NEK2: variants seen among roughly 807,000 people sequenced by gnomAD.
The protein encoded by NEK2 is serine/threonine-protein kinase Nek2.
Under a neutral mutation model 54.1 loss-of-function variants are expected in NEK2, and 28 were observed. The ratio of observed to expected loss-of-function variants is 0.52; its 90% CI spans 0.38 to 0.71. NEK2 has a LOEUF of 0.71. NEK2 is among the 30% of genes least tolerant of loss of function. The pLI, the probability that NEK2 is intolerant of heterozygous loss-of-function variation, is 0.00. For missense variants in NEK2, 407 were observed against 531.5 expected, an observed-to-expected ratio of 0.77 and a Z score of 2.30; for synonymous variants, 176 against 193.1, an observed-to-expected ratio of 0.91 and a Z score of 0.73.
rs1438076471 is a variant in NEK2, at chr1:211,674,432, G to A, written c.178C>T (p.Arg60Cys). The A allele has an allele frequency of 1.9e-6, 3 of 1,614,030 alleles. No homozygotes were observed. Among genetic ancestry groups the A allele is most frequent in the Admixed American group, 3.3e-5 (2 of 60,014 alleles). ...ACGATGTTTGGATGTTTCAGTTCAC[G>A]AAGCAAATTCACTTCAGAAACAAGC... Reference protein sequence around the residue: ...QMLVSEVNLLRELKHPNIVRY... With the variant: ...QMLVSEVNLLCELKHPNIVRY... Residue 60 changes from arginine to cysteine, a missense_variant, in exon 2 of 8, where the codon CGT becomes TGT. Arg to Cys is a radical substitution (Grantham distance 180). Transcript: ENST00000366999.
downstream of NEK2, among the ~76,000 whole-genome samples, chr1:211,659,623 T>G (rs12027312): frequency 0.15 from 23,351 of 152,164 alleles, 1,916 homozygotes; most frequent in East Asian, 0.22. Context: ...ATTGTGTATT[T>G]TCTTATCCTA....
At chr1:211,674,763 C>T (rs936634060) in intron 1 of NEK2, among the ~76,000 whole-genome samples, 4 of 152,098 alleles carry the variant, frequency 2.6e-5, no homozygotes, top group African/African-American at 7.2e-5. Flanking sequence ...CAACCCCTAC[C>T]CTCAGTTGGT....
intron 7 of NEK2, among the ~76,000 whole-genome samples, chr1:211,664,068 T>C (rs1306000064): frequency 6.6e-6 from 1 of 151,540 alleles, no homozygotes; most frequent in Non-Finnish European, 1.5e-5. Flanking sequence ...CTTTGTTTTT[T>C]TTTTTTTTTT....
downstream of NEK2, chr1:211,660,344 A>G: frequency 1.9e-6 from 1 of 537,502 alleles, no homozygotes. Flanking sequence ...AGCTCCTCAT[A>G]TAGTGCCTTC....
downstream of NEK2, chr1:211,658,797 T>TC (rs1429821471): frequency 1.5e-5 from 4 of 274,460 alleles, no homozygotes; most frequent in African/African-American, 1.0e-4. Flanking sequence ...TAAATGCATA[T>TC]CCCCATGGTT....
Position 211,673,683 on chromosome 1 carries a change from G to A in NEK2, c.355C>T (p.Gln119Ter). The stretch of plus-strand genomic sequence containing the variant: ...CATTCCTTCAGGGCCAGAGTCAACT[G>A]AGTCATCACTCGAAGAACAAACTCT... ...DEEFVLRVMT[Q>*]LTLALKECHR... Residue 119 changes from glutamine (Q) to a stop codon, truncating the protein, a stop_gained, in exon 3 of 8, where the codon CAG (glutamine) becomes TAG (stop). Coordinates refer to ENST00000366999, the MANE Select transcript of NEK2 (RefSeq NM_002497.4). LOFTEE classifies it high-confidence loss of function. 6.2e-7 allele frequency: 1 copy of A among 1,614,112 alleles called. No individual in the cohort carries two copies. The highest frequency in any genetic ancestry group is 8.5e-7 in the Non-Finnish European group (1 of 1,180,016).
downstream of NEK2, chr1:211,660,275 T>C: frequency 4.6e-6 from 2 of 435,706 alleles, no homozygotes; most frequent in South Asian, 3.9e-5. Context: ...ATGAGACCCA[T>C]AATGTGGCTG....
intron 5 of NEK2, 50 bp downstream of exon 5, chr1:211,670,230 AC>A: frequency 1.3e-6 from 2 of 1,551,986 alleles, no homozygotes; most frequent in Non-Finnish European, 1.8e-6. Context: ...GTATGCTCTG[AC>A]ACTTAACTGA....
At chr1:211,667,260 A>G (rs1179051589) in intron 6 of NEK2, 29 bp from the exon 7 acceptor site, 5 of 1,563,838 alleles carry the variant, frequency 3.2e-6, no homozygotes, top group Non-Finnish European at 4.3e-6. Context: ...CAAAGAAAAA[A>G]AAATTAACAA....
At chr1:211,670,550 G>T in intron 4 of NEK2, 143 bp from the exon 5 acceptor site, 1 of 979,184 alleles carries the variant, frequency 1.0e-6, no homozygotes, top group Non-Finnish European at 1.5e-6. Flanking sequence ...CTTCTTATAA[G>T]TAAGTTTCCC....
chr1:211,663,935 T>C (rs944032870), intron 7 of NEK2, among the ~76,000 whole-genome samples: 1 of 152,184 alleles, frequency 6.6e-6, no homozygotes, highest in African/African-American at 2.4e-5. Flanking sequence ...ACACACTGAG[T>C]ATTATGGACA....
intron 1 of NEK2, among the ~76,000 whole-genome samples, chr1:211,675,105 A>C (rs1571649936): frequency 6.6e-6 from 1 of 152,208 alleles, no homozygotes; most frequent in African/African-American, 2.4e-5. Context: ...GGAATTAGTT[A>C]CCTGTCACCA....
At chr1:211,673,392 CAACA>C (rs1655460993) in intron 3 of NEK2, 87 bp downstream of exon 3, 1 of 1,497,356 alleles carries the variant, frequency 6.7e-7, no homozygotes, top group Non-Finnish European at 9.1e-7. Context: ...CCAGCCTGGG[CAACA>C]GAGCGAGACT....
chr1:211,669,302 G>C lies in NEK2; in HGVS notation c.796C>G (p.Leu266Val), dbSNP rs938898081. 2.5e-6 allele frequency: 4 copies of C among 1,614,114 alleles called. No homozygotes were observed. The highest frequency in any genetic ancestry group is 3.4e-6 in the Non-Finnish European group (4 of 1,180,012). The change falls in exon 6 of 8, where the codon CTT becomes GTT. Residue 266 changes from leucine (L) to valine (V), a missense_variant. Leu to Val is a conservative substitution (Grantham distance 32). Transcript: ENST00000366999. ...AAATCTGCTATTAAAGGGTTCTCAAGAATTTCTTCAACAGAAGGTCGATGG... is the reference window on the plus strand; with the variant it reads ...AAATCTGCTATTAAAGGGTTCTCAACAATTTCTTCAACAGAAGGTCGATGG... ...DYHRPSVEEI[L>V]ENPLIADLVA...
At chr1:211,664,878 G>A (rs1010141182) in intron 7 of NEK2, among the ~76,000 whole-genome samples, 4 of 152,180 alleles carry the variant, frequency 2.6e-5, no homozygotes, top group Non-Finnish European at 5.9e-5. Context: ...CCAGGCTGGA[G>A]TGCAGTGGCT....
chr1:211,669,482 T>C, intron 5 of NEK2, 150 bp from the exon 6 acceptor site: 1 of 670,666 alleles, frequency 1.5e-6, no homozygotes. Flanking sequence ...GAAAAATAAG[T>C]TCACTGGTGG....
At position 211,673,600 on chromosome 1, in the gene NEK2, A is replaced by C; in HGVS notation, c.438T>G (p.Asn146Lys). ...CGTTTTGCTTGCCATCCAGGAAAAC[A>C]TTGGCTGGTTTCAGATCCCGATGCA... ...TVLHRDLKPA[N>K]VFLDGKQNVK... is the part of the protein sequence containing the mutation. The change falls in exon 3 of 8, where the codon AAT (asparagine) becomes AAG (lysine). Residue 146 changes from asparagine to lysine, a missense_variant. Transcript: ENST00000366999. The C allele has an allele frequency of 6.2e-7, 1 of 1,614,204 alleles. No homozygotes were observed. The highest frequency in any genetic ancestry group is 8.5e-7 in the Non-Finnish European group (1 of 1,180,028).
intron 7 of NEK2, 39 bp from the exon 8 acceptor site, chr1:211,663,691 A>G: frequency 6.4e-7 from 1 of 1,567,686 alleles, no homozygotes; most frequent in East Asian, 2.3e-5. Flanking sequence ...GAGTTACTTG[A>G]ACAGAGTTCA....
chr1:211,669,232 T>G lies in NEK2; in HGVS notation c.866A>C (p.Gln289Pro). Residue 289 changes from glutamine (Q) to proline (P), a missense_variant, in exon 6 of 8, where the codon CAA becomes CCA. By Grantham distance (76) the Gln-to-Pro change is moderately conservative. Transcript: ENST00000366999. ...QRRNLERRGR[Q>P]LGEPEKSQDS... ...CTGCGATTTTTCTGGCTCTCCTAAT[T>G]GTCGCCCTCTTCTCTCAAGATTTCT... 6.2e-7 allele frequency: 1 copy of G among 1,614,114 alleles called. No individual in the cohort carries two copies. Among genetic ancestry groups the G allele is most frequent in the Non-Finnish European group, 8.5e-7 (1 of 1,179,956 alleles).
Sources: gnomAD v4.1 joint callset for allele counts (sites outside exome capture counted in the v4.1 genomes callset) on GRCh38, gnomAD v4.1.1 for gene constraint, MANE v1.5 for transcripts, NCBI Gene and HGNC (gene_info 2026-07-23, HGNC 2026-07-21) for gene names.